Variants in OGG1 observed in about 807,000 individuals in gnomAD.
The protein encoded by OGG1 is N-glycosylase/DNA lyase.
A neutral mutation model predicts 42.3 loss-of-function variants in OGG1; 35 were observed. That is an observed-to-expected ratio of 0.83 (90% CI 0.63 to 1.10). The LOEUF is 1.10. Ranked by LOEUF, OGG1 falls within the 50% of genes least tolerant of loss-of-function variation. OGG1 has a pLI of 0.00. For missense variants in OGG1, 484 were observed against 446.7 expected (o/e 1.08, Z -0.75); for synonymous variants, 189 against 179.0 (o/e 1.06, Z -0.44).
chr3:9,762,978 A>G, intron 7 of OGG1: 1 of 1,614,114 alleles, frequency 6.2e-7, no homozygotes. Context: ...CACCTGGAAG[A>G]TGAGGCGGCT....
downstream of OGG1, among the ~76,000 whole-genome samples, chr3:9,770,597 G>A (rs2078280236): frequency 6.6e-6 from 1 of 152,200 alleles, no homozygotes; most frequent in Admixed American, 6.5e-5. Flanking sequence ...GAATTGGGGA[G>A]GAGGAAGTTA....
exon 8 of OGG1, chr3:9,766,674 C>A: frequency 9.8e-7 from 1 of 1,020,462 alleles, no homozygotes; most frequent in Non-Finnish European, 1.2e-6. Context: ...AGAGGATTTG[C>A]TAGGGTATTC....
At chr3:9,762,080 C>A, downstream of OGG1, 1 of 252,820 alleles carries the variant, frequency 4.0e-6, no homozygotes, top group Non-Finnish European at 7.8e-6. Context: ...CCCTGCTAGG[C>A]CAGTCTGTAT....
chr3:9,767,949 C>T (rs2078200997), downstream of OGG1: 2 of 710,798 alleles, frequency 2.8e-6, no homozygotes, highest in Non-Finnish European at 3.5e-6. Context: ...TCAGCAAATT[C>T]TCATGCCTAG....
downstream of OGG1, chr3:9,767,534 A>G (rs553553229): frequency 9.3e-5 from 102 of 1,092,036 alleles, no homozygotes; most frequent in East Asian, 2.5e-3. Context: ...AGCTGGGGAC[A>G]GTTTAGGCCC....
chr3:9,769,685 A>G (rs1165385680), downstream of OGG1: 1 of 152,288 alleles, frequency 6.6e-6, no homozygotes, highest in Non-Finnish European at 1.5e-5. Flanking sequence ...ACAGAGGTGG[A>G]GAAAGGCCCA....
At chr3:9,766,340 A>G (rs1394154726) in exon 8 of OGG1, 2 of 683,442 alleles carry the variant, frequency 2.9e-6, no homozygotes, top group African/African-American at 1.8e-5. Flanking sequence ...CTTTTGGATT[A>G]TGTGTACAGT....
intron 2 of OGG1, among the ~76,000 whole-genome samples, chr3:9,780,744 G>A (rs2078441023): frequency 6.6e-6 from 1 of 152,234 alleles, no homozygotes; most frequent in African/African-American, 2.4e-5. Context: ...ATTAACTCAT[G>A]TTGATCACGG....
downstream of OGG1, among the ~76,000 whole-genome samples, chr3:9,768,381 C>T (rs1370213245): frequency 1.3e-5 from 2 of 152,204 alleles, no homozygotes; most frequent in East Asian, 1.9e-4. Context: ...ATCTGGGTCC[C>T]GGGAGCATGA....
rs1052434849 is a variant in OGG1, at chr3:9,749,964, G to C, written c.-323G>C. 3.6e-5 allele frequency: 13 copies of C among 362,268 alleles called. No individual in the cohort carries two copies. Among genetic ancestry groups the C allele is most frequent in the African/African-American group, 2.0e-4 (10 of 49,176 alleles). The allele number at this position is 362,268 out of a possible 1,614,324, so 22.4% of individuals were successfully genotyped here. A position where few individuals can be genotyped will look rare whatever the true frequency, so the allele number is the denominator to read the frequency against. ...GAGCCCTACTTCCGGTGGTGCTGTG[G>C]TCTGCCCCTGGAGAACCCAGAAGAA... is the stretch of plus-strand genomic sequence containing the variant. On this transcript the variant is annotated 5_prime_UTR_variant, in exon 1 of 7. Transcript: ENST00000344629.
intron 3 of OGG1, among the ~76,000 whole-genome samples, chr3:9,784,739 C>A (rs1161327859): frequency 6.6e-6 from 1 of 151,944 alleles, no homozygotes; most frequent in Non-Finnish European, 1.5e-5. Context: ...GTGGCAGGCG[C>A]CTGTAATCAC....
chr3:9,750,634 A>G (rs1422730751), intron 1 of OGG1: 17 of 736,710 alleles, frequency 2.3e-5, no homozygotes, highest in Non-Finnish European at 3.4e-5. Context: ...TGCAGAAGAT[A>G]ATAGCACTTG....
chr3:9,759,935 T>C (rs966800394), downstream of OGG1: 2 of 833,870 alleles, frequency 2.4e-6, no homozygotes, highest in Admixed American at 5.5e-5. Context: ...TCCAGCTCTT[T>C]CCTTTCTCTC....
chr3:9,765,811 C>T (rs777431790), exon 8 of OGG1: 1 of 1,614,098 alleles, frequency 6.2e-7, no homozygotes, highest in Admixed American at 1.7e-5. Flanking sequence ...CCCTCCAGGG[C>T]CTCCTTGGCA....
At chr3:9,765,853 T>A in exon 8 of OGG1, 2 of 1,614,020 alleles carry the variant, frequency 1.2e-6, no homozygotes, top group Non-Finnish European at 1.7e-6. Context: ...TTCTGCGTCC[T>A]CTTATCTTCT....
chr3:9,781,692 C>T (rs2078469790), intron 3 of OGG1: 1 of 428,246 alleles, frequency 2.3e-6, no homozygotes, highest in African/African-American at 2.0e-5. Flanking sequence ...GTGATTGAGT[C>T]CAGCCTGCCA....
intron 7 of OGG1, chr3:9,763,260 CTG>C: frequency 6.2e-7 from 1 of 1,612,000 alleles, no homozygotes; most frequent in Non-Finnish European, 8.5e-7. Context: ...CGGTGTGCAC[CTG>C]TAGTCCAAGC....
chr3:9,790,004 AAC>A, downstream of OGG1: 3 of 1,541,032 alleles, frequency 1.9e-6, no homozygotes, highest in South Asian at 3.8e-5. Context: ...GAGAAGGGAA[AAC>A]ACAGAATATC....
Position 9,756,557 on chromosome 3 carries a change from C to G in OGG1, c.834C>G (p.Asp278Glu). ...DVHMWHIAQR[D>E]YSWHPTTSQA... ...ATATGTGGCACATTGCCCAACGTGA[C>G]TACAGCTGGCACCCTACCACGTCCC... Residue 278 changes from aspartate to glutamate, a missense_variant, in exon 5 of 7, where the codon GAC (aspartate) becomes GAG (glutamate). Physicochemically the swap from Asp to Glu is conservative, Grantham distance 45. Transcript: ENST00000344629. 1 of 1,614,194 alleles carries G rather than the reference C, an allele frequency of 6.2e-7. No individual in the cohort carries two copies. Among genetic ancestry groups the G allele is most frequent in the Non-Finnish European group, 8.5e-7 (1 of 1,180,044 alleles).
Sources: gnomAD v4.1 joint callset for allele counts (sites outside exome capture counted in the v4.1 genomes callset) on GRCh38, gnomAD v4.1.1 for gene constraint, MANE v1.5 for transcripts, NCBI Gene and HGNC (gene_info 2026-07-23, HGNC 2026-07-21) for gene names.